The following LRRC7 variants were observed in gnomAD, a reference collection of about 807,000 sequenced individuals.
The protein encoded by LRRC7 is leucine rich repeat containing 7.
In LRRC7, 23 loss-of-function variants were observed where a neutral mutation model predicts 175.7. That is an observed-to-expected ratio of 0.13 (90% CI 0.09 to 0.19). The LOEUF (loss-of-function observed/expected upper bound fraction) is 0.19, where lower values mean the gene tolerates loss of function less well. Ranked by LOEUF, LRRC7 falls within the 10% of genes least tolerant of loss-of-function variation. The probability of loss-of-function intolerance (pLI) is 1.00; values close to 1 mark genes in which losing one functional copy is unlikely to be tolerated. For synonymous variants in LRRC7, 685 were observed against 680.9 expected, an observed-to-expected ratio of 1.01 and a Z score of -0.09; for missense variants, 1,354 against 1,904.7, an observed-to-expected ratio of 0.71 and a Z score of 5.38.
intron 25 of LRRC7, among the ~76,000 whole-genome samples, chr1:70,105,793 T>G (rs567515349): frequency 6.6e-6 from 1 of 152,174 alleles, no homozygotes; most frequent in East Asian, 1.9e-4. Flanking sequence ...CCTAGAAGTC[T>G]AATTACTTGG....
At chr1:70,065,206 G>A (rs1323705601) in intron 23 of LRRC7, among the ~76,000 whole-genome samples, 6 of 151,748 alleles carry the variant, frequency 4.0e-5, no homozygotes, top group East Asian at 1.9e-4. Flanking sequence ...ACTGTAATAC[G>A]AAAAAAACTC....
chr1:69,717,732 C>A (rs2100757011), intron 2 of LRRC7, among the ~76,000 whole-genome samples: 1 of 128,126 alleles, frequency 7.8e-6, no homozygotes, highest in East Asian at 2.5e-4. Flanking sequence ...CTCTAGAAGG[C>A]CATAATTTAA....
At position 70,039,770 on chromosome 1, in the gene LRRC7, A is replaced by G; in HGVS notation, c.3946A>G (p.Ile1316Val). Residue 1316 changes from isoleucine (I) to valine (V), a missense_variant, in exon 21 of 27, where the codon ATA (isoleucine) becomes GTA (valine). Coordinates refer to ENST00000651989, the MANE Select transcript of LRRC7 (RefSeq NM_001370785.2). Reference sequence around the variant, plus strand: ...CTGGAGACAACAGCTGCTTAGACATATAGAAGCTAGACGGTTAGACAGGGT... The same window carrying G: ...CTGGAGACAACAGCTGCTTAGACATGTAGAAGCTAGACGGTTAGACAGGGT... Reference protein sequence around the residue: ...ADWRQQLLRHIEARRLDRNAA... With the variant: ...ADWRQQLLRHVEARRLDRNAA... 1 of 1,605,166 alleles carries G rather than the reference A, an allele frequency of 6.2e-7. No individual in the cohort carries two copies.
At chr1:69,975,267 G>A (rs577167615) in intron 8 of LRRC7, among the ~76,000 whole-genome samples, 8 of 152,046 alleles carry the variant, frequency 5.3e-5, no homozygotes, top group African/African-American at 1.9e-4. Flanking sequence ...ATCATGAAAG[G>A]CCTTATGTTC....
At chr1:69,790,497 C>T (rs1674981193) in intron 3 of LRRC7, among the ~76,000 whole-genome samples, 1 of 151,916 alleles carries the variant, frequency 6.6e-6, no homozygotes, top group Non-Finnish European at 1.5e-5. Context: ...GATCATTAGC[C>T]TGAACATGGC....
At chr1:69,789,232 G>A (rs1674836425) in intron 3 of LRRC7, among the ~76,000 whole-genome samples, 1 of 152,028 alleles carries the variant, frequency 6.6e-6, no homozygotes, top group South Asian at 2.1e-4. Context: ...CAAGAAAAAA[G>A]AACACTTTAG....
intron 2 of LRRC7, among the ~76,000 whole-genome samples, chr1:69,752,499 A>T (rs148918781): frequency 3.9e-5 from 6 of 152,268 alleles, no homozygotes; most frequent in African/African-American, 1.4e-4. Flanking sequence ...TTCTTAATAC[A>T]TATATTGTCA....
intron 3 of LRRC7, among the ~76,000 whole-genome samples, chr1:69,789,500 G>A (rs923978261): frequency 6.6e-6 from 1 of 151,928 alleles, no homozygotes; most frequent in Non-Finnish European, 1.5e-5. Flanking sequence ...AATCTTGAAA[G>A]AGCTGTTAAA....
At chr1:69,888,770 T>A (rs894707154) in intron 7 of LRRC7, among the ~76,000 whole-genome samples, 2 of 151,104 alleles carry the variant, frequency 1.3e-5, no homozygotes, top group African/African-American at 4.9e-5. Flanking sequence ...TACCAGCTGT[T>A]TGGGGGTAGG....
At chr1:69,838,343 T>A (rs749328723) in intron 7 of LRRC7, 60 bp downstream of exon 7, 1 of 1,304,072 alleles carries the variant, frequency 7.7e-7, no homozygotes, top group Admixed American at 1.7e-5. Flanking sequence ...GTAAGAGAAA[T>A]AACTACTTTT....
At chr1:70,121,730 C>T (rs764467439) in intron 26 of LRRC7, 50 bp from the exon 27 acceptor site, 3 of 1,181,276 alleles carry the variant, frequency 2.5e-6, no homozygotes, top group Non-Finnish European at 3.7e-6. Flanking sequence ...AACAACGATA[C>T]AGTGATAATA....
At chr1:69,686,166 G>A (rs1661114685) in intron 2 of LRRC7, among the ~76,000 whole-genome samples, 1 of 152,036 alleles carries the variant, frequency 6.6e-6, no homozygotes, top group Non-Finnish European at 1.5e-5. Context: ...CCATCCTTCA[G>A]CAATGAAGGA....
chr1:70,049,040 A>G (rs944155882), intron 22 of LRRC7, among the ~76,000 whole-genome samples: 3 of 152,112 alleles, frequency 2.0e-5, no homozygotes, highest in Admixed American at 2.0e-4. Flanking sequence ...TTCTACCACC[A>G]TAACAGCATA....
chr1:69,614,144 T>C (rs2100271320), intron 1 of LRRC7, among the ~76,000 whole-genome samples: 1 of 152,152 alleles, frequency 6.6e-6, no homozygotes, highest in African/African-American at 2.4e-5. Flanking sequence ...GAAATACACA[T>C]GGATACATCA....
chr1:70,091,793 G>C (rs1168188504), intron 25 of LRRC7, among the ~76,000 whole-genome samples: 1 of 152,134 alleles, frequency 6.6e-6, no homozygotes, highest in Non-Finnish European at 1.5e-5. Flanking sequence ...TAAAGCACTT[G>C]AATTGTATAA....
At chr1:70,030,150 G>T (rs1658558529) in intron 18 of LRRC7, among the ~76,000 whole-genome samples, 1 of 151,854 alleles carries the variant, frequency 6.6e-6, no homozygotes, top group Admixed American at 6.6e-5. Context: ...CCACTTTTTG[G>T]CTTCCCTTGT....
At chr1:69,744,469 C>G (rs756608475) in intron 2 of LRRC7, among the ~76,000 whole-genome samples, 8 of 151,876 alleles carry the variant, frequency 5.3e-5, no homozygotes, top group Non-Finnish European at 8.8e-5. Flanking sequence ...TTGTCTCCAT[C>G]GATGTTCATT....
At chr1:69,950,636 A>G (rs1412581447) in intron 8 of LRRC7, among the ~76,000 whole-genome samples, 10 of 152,150 alleles carry the variant, frequency 6.6e-5, no homozygotes, top group Non-Finnish European at 1.0e-4. Context: ...ATTGTAAACT[A>G]AGTGTTAGAA....
At chr1:69,920,873 G>A (rs1181795863) in intron 7 of LRRC7, among the ~76,000 whole-genome samples, 1 of 152,108 alleles carries the variant, frequency 6.6e-6, no homozygotes, top group East Asian at 1.9e-4. Context: ...TGTTGGGTAC[G>A]TGGTCTCAGA....
Sources: allele counts gnomAD v4.1 joint callset (sites outside exome capture counted in the v4.1 genomes callset), GRCh38; gene constraint gnomAD v4.1.1; transcripts MANE v1.5; gene names NCBI Gene and HGNC (gene_info 2026-07-23, HGNC 2026-07-21).